The following P2RY8 variants were observed in gnomAD, a reference collection of about 807,000 sequenced individuals.
The protein encoded by P2RY8 is P2Y receptor family member 8.
A neutral mutation model predicts 10.0 loss-of-function variants in P2RY8; 6 were observed. The ratio of observed to expected loss-of-function variants is 0.60; its 90% CI spans 0.33 to 1.19. The LOEUF (loss-of-function observed/expected upper bound fraction) is 1.19, where lower values mean the gene tolerates loss of function less well. Ranked by LOEUF, P2RY8 falls within the 50% of genes most tolerant of loss-of-function variation. The probability of loss-of-function intolerance (pLI) is 0.04; values close to 1 mark genes in which losing one functional copy is unlikely to be tolerated. For missense variants in P2RY8, 456 were observed against 542.0 expected, an observed-to-expected ratio of 0.84 and a Z score of 1.58; for synonymous variants, 276 against 252.5, an observed-to-expected ratio of 1.09 and a Z score of -0.88.
intron 1 of P2RY8, among the ~76,000 whole-genome samples, chrX:1,515,458 G>A (rs1259056237): frequency 6.0e-4 from 90 of 149,476 alleles, no homozygotes; most frequent in African/African-American, 6.9e-4. Flanking sequence ...CGCAACCTCC[G>A]CCTCCCAGGT....
intron 1 of P2RY8, among the ~76,000 whole-genome samples, chrX:1,522,492 C>A (rs777580256): frequency 6.8e-4 from 103 of 152,258 alleles, no homozygotes; most frequent in Admixed American, 1.5e-3. Context: ...AACCAAGATG[C>A]GATAATTATA....
chrX:1,528,930 T>C (rs1310343686), intron 1 of P2RY8, among the ~76,000 whole-genome samples: 5 of 152,208 alleles, frequency 3.3e-5, no homozygotes, highest in African/African-American at 1.2e-4. Context: ...TCTCTGAATG[T>C]GCGTGGATTT....
intron 1 of P2RY8, among the ~76,000 whole-genome samples, chrX:1,531,426 G>T (rs766466521): frequency 5.3e-5 from 8 of 152,180 alleles, no homozygotes; most frequent in Admixed American, 2.0e-4. Context: ...TGCTTACAGG[G>T]TCCCCCGTAA....
At chrX:1,511,454 G>T (rs1278672706) in intron 1 of P2RY8, among the ~76,000 whole-genome samples, 4 of 152,202 alleles carry the variant, frequency 2.6e-5, no homozygotes, top group African/African-American at 9.6e-5. Context: ...TTCTGCCAGA[G>T]GCTACATTTC....
intron 1 of P2RY8, among the ~76,000 whole-genome samples, chrX:1,483,309 G>A (rs185201131): frequency 5.9e-5 from 9 of 152,172 alleles, no homozygotes; most frequent in East Asian, 3.9e-4. Flanking sequence ...TCAAAGCTGG[G>A]CTCCCTTAGA....
At chrX:1,516,504 T>C (rs1288343330) in intron 1 of P2RY8, among the ~76,000 whole-genome samples, 6 of 150,486 alleles carry the variant, frequency 4.0e-5, no homozygotes. Flanking sequence ...CAGCCTGAAA[T>C]GGACTAAGAG....
rs1317041713 is a variant in P2RY8 at position 1,515,044 on chromosome X, G to C, written c.-25+21877C>G. 4.0e-5 allele frequency among the ~76,000 whole-genome samples: 6 copies of C among 149,802 alleles called. No homozygotes were observed. The East Asian group carries it at 1.2e-3, about 30-fold the overall frequency. On this transcript the variant is annotated intron_variant, in intron 1 of 1. Coordinates refer to ENST00000381297, the MANE Select transcript of P2RY8 (RefSeq NM_178129.5). ...TCAGCCTCCCGAGTAGAGTAGCTGG[G>C]ATTACAGGCACCCACCACCACACCC...
intron 1 of P2RY8, among the ~76,000 whole-genome samples, chrX:1,502,507 G>C (rs2092190536): frequency 6.6e-6 from 1 of 152,108 alleles, no homozygotes; most frequent in African/African-American, 2.4e-5. Flanking sequence ...AAGAGCCCCT[G>C]TGCTGGCTGC....
At chrX:1,473,152 G>GATGT (rs2091816406) in intron 1 of P2RY8, among the ~76,000 whole-genome samples, 1 of 151,122 alleles carries the variant, frequency 6.6e-6, no homozygotes. Context: ...TGGGTGGGTG[G>GATGT]ATGGATAGAT....
chrX:1,507,607 A>G (rs761425046), intron 1 of P2RY8, among the ~76,000 whole-genome samples: 11 of 152,124 alleles, frequency 7.2e-5, no homozygotes, highest in Non-Finnish European at 1.3e-4. Context: ...CGGGGCCGTG[A>G]CGGCACCCGG....
chrX:1,466,478 G>C lies in P2RY8; in HGVS notation c.81C>G (p.Pro27=). Residue 27 remains proline, a synonymous_variant, in exon 2 of 2, where the codon CCC becomes CCG. Coordinates refer to ENST00000381297, the MANE Select transcript of P2RY8 (RefSeq NM_178129.5). ...CCGCCGCCACCAGCGAGTACACCAC[G>C]GGCAGGGCCACCGCGATCGCCGGGT... ...LRNPAIAVAL[P]VVYSLVAAVS... is the part of the protein sequence containing the mutation. 3 of 1,611,868 alleles carry C rather than the reference G, an allele frequency of 1.9e-6. No individual in the cohort carries two copies. Among genetic ancestry groups the C allele is most frequent in the Non-Finnish European group, 2.5e-6 (3 of 1,179,796 alleles).
intron 1 of P2RY8, among the ~76,000 whole-genome samples, chrX:1,477,880 T>C (rs765263365): frequency 6.6e-6 from 1 of 152,316 alleles, no homozygotes; most frequent in South Asian, 2.1e-4. Context: ...CAGATGTTCC[T>C]AGCAAGAAGC....
intron 1 of P2RY8, among the ~76,000 whole-genome samples, chrX:1,484,751 AGAAGAAG>A (rs1569537017): frequency 1.1e-3 from 122 of 107,242 alleles, no homozygotes; most frequent in Non-Finnish European, 1.9e-3. Flanking sequence ...AAAAAAAAGA[AGAAGAAG>A]AAGAAGAAGC....
chrX:1,509,552 CTATCATCTATGTATCTATGT>C (rs1232641261), intron 1 of P2RY8, among the ~76,000 whole-genome samples: 4 of 124,502 alleles, frequency 3.2e-5, no homozygotes, highest in African/African-American at 1.3e-4. Context: ...TCCATCTATT[CTATCATCTATGTATCTATGT>C]ATCCATCCAT....
At chrX:1,494,085 T>A (rs1192186165) in intron 1 of P2RY8, 1 of 152,326 alleles carries the variant, frequency 6.6e-6, no homozygotes, top group Admixed American at 6.5e-5. Context: ...CAGGTCCCCG[T>A]GACTTACAAC....
chrX:1,525,219 C>A (rs777145031), intron 1 of P2RY8, among the ~76,000 whole-genome samples: 1 of 152,280 alleles, frequency 6.6e-6, no homozygotes, highest in South Asian at 2.1e-4. Flanking sequence ...GGATTGCATC[C>A]CTTTGAAAGA....
At chrX:1,530,448 CTATT>C (rs2092466378) in intron 1 of P2RY8, among the ~76,000 whole-genome samples, 1 of 151,024 alleles carries the variant, frequency 6.6e-6, no homozygotes, top group Non-Finnish European at 1.5e-5. Flanking sequence ...TCTATCTAAT[CTATT>C]TATCCATGTA....
intron 1 of P2RY8, among the ~76,000 whole-genome samples, chrX:1,493,327 A>C (rs1603457520): frequency 2.0e-5 from 1 of 49,414 alleles, no homozygotes; most frequent in Admixed American, 2.0e-4. Context: ...AGAGGAGGGG[A>C]GGGGAGGGGA....
chrX:1,483,256 G>A (rs1213564809), intron 1 of P2RY8, among the ~76,000 whole-genome samples: 1 of 152,144 alleles, frequency 6.6e-6, no homozygotes, highest in African/African-American at 2.4e-5. Context: ...GATCCCTGGA[G>A]AAGAAACCGA....
Sources: gnomAD v4.1 joint callset for allele counts (sites outside exome capture counted in the v4.1 genomes callset) on GRCh38, gnomAD v4.1.1 for gene constraint, MANE v1.5 for transcripts, NCBI Gene and HGNC (gene_info 2026-07-23, HGNC 2026-07-21) for gene names.